Variants in ANK2 observed in about 807,000 individuals in gnomAD.
ANK2 encodes ankyrin-2.
In ANK2, 83 loss-of-function variants were observed where a neutral mutation model predicts 360.5. The ratio of observed to expected loss-of-function variants is 0.23; its 90% CI spans 0.19 to 0.28. The LOEUF is 0.28. ANK2 is among the 10% of genes least tolerant of loss of function. The pLI, the probability that ANK2 is intolerant of heterozygous loss-of-function variation, is 1.00. For synonymous variants in ANK2, 1,740 were observed against 1,759.5 expected, an observed-to-expected ratio of 0.99 and a Z score of 0.28; for missense variants, 4,201 against 4,795.7, an observed-to-expected ratio of 0.88 and a Z score of 3.66.
At chr4:112,882,069 A>G (rs1404023774) in intron 1 of ANK2, 4 of 365,686 alleles carry the variant, frequency 1.1e-5, no homozygotes, top group Non-Finnish European at 2.0e-5. Flanking sequence ...TCAGGCTCTC[A>G]TCGGTTGTTT....
intron 2 of ANK2, among the ~76,000 whole-genome samples, chr4:112,952,030 C>T (rs2095055630): frequency 6.6e-6 from 1 of 152,180 alleles, no homozygotes; most frequent in African/African-American, 2.4e-5. Context: ...TACAAATTAT[C>T]TTCATTGAAC....
chr4:113,000,216 A>G (rs2050125980), intron 2 of ANK2, among the ~76,000 whole-genome samples: 2 of 152,332 alleles, frequency 1.3e-5, no homozygotes, highest in South Asian at 4.1e-4. Flanking sequence ...GGGTTATTTC[A>G]GTAAGGTATG....
At chr4:113,183,216 G>A (rs2098451714) in intron 2 of ANK2, among the ~76,000 whole-genome samples, 1 of 152,104 alleles carries the variant, frequency 6.6e-6, no homozygotes, top group Non-Finnish European at 1.5e-5. Flanking sequence ...GTAAAGATAG[G>A]AGAGGAGGGG....
chr4:113,121,871 C>G (rs2095384635), intron 1 of ANK2, among the ~76,000 whole-genome samples: 1 of 151,402 alleles, frequency 6.6e-6, no homozygotes, highest in Non-Finnish European at 1.5e-5. Flanking sequence ...TCCCCCCCCA[C>G]CACATTCTTC....
intron 1 of ANK2, among the ~76,000 whole-genome samples, chr4:113,143,808 A>G (rs995852331): frequency 1.3e-5 from 2 of 152,220 alleles, no homozygotes; most frequent in Non-Finnish European, 2.9e-5. Flanking sequence ...TAAGTACACC[A>G]TTAAACATCA....
At chr4:112,907,951 G>A (rs929631773) in intron 2 of ANK2, among the ~76,000 whole-genome samples, 1 of 152,164 alleles carries the variant, frequency 6.6e-6, no homozygotes, top group African/African-American at 2.4e-5. Context: ...TATGACTGTG[G>A]CAGAGAGGAT....
intron 1 of ANK2, among the ~76,000 whole-genome samples, chr4:112,836,084 A>G (rs2060923631): frequency 6.6e-6 from 1 of 152,010 alleles, no homozygotes; most frequent in Non-Finnish European, 1.5e-5. Context: ...CCCTACCCAA[A>G]TCTCATCTCA....
rs189011991 is a variant in ANK2, at chr4:112,916,205, G to A, written c.21+11691G>A. On this transcript the variant is annotated intron_variant, in intron 2 of 30. Transcript: ENST00000503271. ...TCACATGAATCTGCAGGATTTTTGT[G>A]TTCTGACATGGTTCTGATGAGGAAA... 2.9e-3 allele frequency among the ~76,000 whole-genome samples: 437 copies of A among 152,288 alleles called. 2 individuals are homozygous for A. Among genetic ancestry groups the A allele is most frequent in the Non-Finnish European group, 4.8e-3 (325 of 68,016 alleles).
chr4:113,274,910 CT>C (rs1328303224), intron 15 of ANK2, among the ~76,000 whole-genome samples: 1 of 152,124 alleles, frequency 6.6e-6, no homozygotes, highest in African/African-American at 2.4e-5. Flanking sequence ...ATGATTTTCA[CT>C]TTTTCTTCTC....
intron 2 of ANK2, among the ~76,000 whole-genome samples, chr4:112,950,104 T>C (rs2094836843): frequency 6.6e-6 from 1 of 152,102 alleles, no homozygotes; most frequent in Non-Finnish European, 1.5e-5. Context: ...TTCACAAGGG[T>C]CTTCAGTCTA....
Position 113,174,528 on chromosome 4 carries a change from G to T in ANK2, c.186+11G>T. ...AATACCTGCAATCAGGTAAGAACAT[G>T]GCAGCTAGCTCTGTGTTGTGCAACG... is the stretch of plus-strand genomic sequence containing the variant. On this transcript the variant is annotated intron_variant, in intron 2 of 45. Transcript: ENST00000357077. 1 of 1,567,804 alleles carries T rather than the reference G, an allele frequency of 6.4e-7. No individual in the cohort carries two copies. Among genetic ancestry groups the T allele is most frequent in the South Asian group, 1.1e-5 (1 of 89,028 alleles).
At chr4:113,106,197 A>T (rs1460978060) in intron 1 of ANK2, among the ~76,000 whole-genome samples, 1 of 152,192 alleles carries the variant, frequency 6.6e-6, no homozygotes, top group Non-Finnish European at 1.5e-5. Flanking sequence ...TAGCCCTCTA[A>T]ACCTTATGAA....
intron 31 of ANK2, 76 bp from the exon 32 acceptor site, chr4:113,339,150 G>A (rs2093955007): frequency 7.8e-7 from 1 of 1,279,550 alleles, no homozygotes; most frequent in Non-Finnish European, 1.1e-6. Flanking sequence ...TGTGAACACA[G>A]AACCACAAAG....
the ANK2 span, among the ~76,000 whole-genome samples, chr4:112,760,524 CT>C: frequency 9.3e-5 from 14 of 150,110 alleles, no homozygotes; most frequent in African/African-American, 2.2e-4. Context: ...TCATTGTATT[CT>C]TTTTTTTTCT....
At chr4:113,141,044 T>A (rs187910614) in intron 1 of ANK2, among the ~76,000 whole-genome samples, 1 of 152,282 alleles carries the variant, frequency 6.6e-6, no homozygotes, top group Non-Finnish European at 1.5e-5. Context: ...CACAGTTGAT[T>A]TGCAAAGACT....
At chr4:113,072,168 T>A (rs2077824871) in intron 1 of ANK2, among the ~76,000 whole-genome samples, 1 of 152,210 alleles carries the variant, frequency 6.6e-6, no homozygotes, top group South Asian at 2.1e-4. Flanking sequence ...CCACTGTCTG[T>A]GTTTCTCTCC....
At chr4:113,055,850 T>C (rs1461913157) in intron 1 of ANK2, among the ~76,000 whole-genome samples, 1 of 152,210 alleles carries the variant, frequency 6.6e-6, no homozygotes, top group African/African-American at 2.4e-5. Context: ...TCTGTGTCTC[T>C]TGCAAAGATT....
intron 11 of ANK2, among the ~76,000 whole-genome samples, chr4:113,256,156 C>T (rs2049207225): frequency 6.6e-6 from 1 of 152,180 alleles, no homozygotes; most frequent in Non-Finnish European, 1.5e-5. Flanking sequence ...TGTAACATTT[C>T]TGAAACTAGT....
At chr4:112,839,227 C>T (rs955591101) in intron 1 of ANK2, among the ~76,000 whole-genome samples, 62 of 152,194 alleles carry the variant, frequency 4.1e-4, no homozygotes, top group African/African-American at 1.4e-3. Context: ...CTTTCATTCA[C>T]AGGTCCCAGT....
Sources: allele counts gnomAD v4.1 joint callset (sites outside exome capture counted in the v4.1 genomes callset), GRCh38; gene constraint gnomAD v4.1.1; transcripts MANE v1.5; gene names NCBI Gene and HGNC (gene_info 2026-07-23, HGNC 2026-07-21).